Variants in WBP11 observed in about 807,000 individuals in gnomAD.
WBP11 encodes the protein WW domain-binding protein 11.
In WBP11, 12 loss-of-function variants were observed where a neutral mutation model predicts 66.7. That is an observed-to-expected ratio of 0.18 (90% CI 0.12 to 0.29). The LOEUF (loss-of-function observed/expected upper bound fraction) is 0.29, where lower values mean the gene tolerates loss of function less well. Ranked by LOEUF, WBP11 falls within the 10% of genes least tolerant of loss-of-function variation. The pLI is 1.00. For synonymous variants in WBP11, 255 were observed against 273.8 expected (o/e 0.93, Z 0.68); for missense variants, 555 against 818.3 (o/e 0.68, Z 3.93).
chr12:14,797,589 C>A (rs1036731370), intron 4 of WBP11, among the ~76,000 whole-genome samples: 2 of 152,206 alleles, frequency 1.3e-5, no homozygotes, highest in South Asian at 4.1e-4. Context: ...GGTCCTCTAT[C>A]CCAAGAATAA....
In WBP11 at chr12:14,798,822, A is replaced by AC. The variant is rs1362932901; in HGVS notation, c.190+812_190+813insG. Reference sequence around the variant, plus strand: ...ATTTTACAAAAGTGGCAAAGGGTAGAAGACAAAGTGGCAGAAACTTGACAG... The same window carrying AC: ...ATTTTACAAAAGTGGCAAAGGGTAGACAGACAAAGTGGCAGAAACTTGACAG... On this transcript the variant is annotated intron_variant, in intron 4 of 11. Coordinates refer to ENST00000261167, the MANE Select transcript of WBP11 (RefSeq NM_016312.3). Among the ~76,000 whole-genome samples the AC allele has an allele frequency of 2.0e-5, 3 of 152,206 alleles. No individual in the cohort carries two copies. In the East Asian group the frequency reaches 5.8e-4, roughly 29 times the overall value.
chr12:14,788,821 G>A (rs1158278068), intron 11 of WBP11, 130 bp downstream of exon 11: 9 of 494,988 alleles, frequency 1.8e-5, no homozygotes, highest in South Asian at 6.2e-5. Flanking sequence ...CCAGGTCAAC[G>A]GCAACTTAAA....
In WBP11 at chr12:14,786,262, A is replaced by C. The variant is rs1308192614; in HGVS notation, c.*803T>G. On this transcript the variant is annotated 3_prime_UTR_variant, in exon 12 of 12. Coordinates refer to ENST00000261167, the MANE Select transcript of WBP11 (RefSeq NM_016312.3). ...AACCATACTATTCTTAACACCTCTC[A>C]GTTTCTCTAAAGCCAGTATGACAAT... 6.6e-6 allele frequency: 1 copy of C among 152,190 alleles called. No individual in the cohort carries two copies. The highest frequency in any genetic ancestry group is 1.5e-5 in the Non-Finnish European group (1 of 68,020). 9.4% of individuals were successfully genotyped at this position (152,190 alleles called of 1,614,324 possible).
intron 8 of WBP11, among the ~76,000 whole-genome samples, chr12:14,792,658 C>A (rs1376722900): frequency 6.6e-6 from 1 of 151,892 alleles, no homozygotes; most frequent in Non-Finnish European, 1.5e-5. Flanking sequence ...CACGGTGAAA[C>A]CCTGTCTCTA....
intron 4 of WBP11, among the ~76,000 whole-genome samples, chr12:14,798,959 T>C (rs1320668937): frequency 5.3e-5 from 8 of 152,128 alleles, no homozygotes; most frequent in Admixed American, 5.2e-4. Flanking sequence ...GAATGGATAT[T>C]TGTGGGTTAG....
intron 4 of WBP11, among the ~76,000 whole-genome samples, chr12:14,797,534 T>C (rs558236018): frequency 1.3e-5 from 2 of 152,200 alleles, no homozygotes; most frequent in Admixed American, 6.5e-5. Flanking sequence ...TATACAATCC[T>C]TTCTCTCCCT....
At position 14,801,427 on chromosome 12, in the gene WBP11, A is replaced by T; in HGVS notation, c.-44T>A. On this transcript the variant is annotated splice_region_variant and 5_prime_UTR_variant, in exon 2 of 12. Transcript: ENST00000261167. ...TTACTTGTTCATTAAAAAAAGAAAA[A>T]CCTGTGAAGGTGAAGACAAAGAAAT... 1.3e-6 allele frequency: 2 copies of T among 1,587,258 alleles called. No homozygotes were observed. Among genetic ancestry groups the T allele is most frequent in the African/African-American group, 2.7e-5 (2 of 74,060 alleles).
chr12:14,797,061 A>G, intron 4 of WBP11, 58 bp from the exon 5 acceptor site: 2 of 1,430,376 alleles, frequency 1.4e-6, no homozygotes, highest in Non-Finnish European at 1.9e-6. Context: ...ATTAGGTATC[A>G]ATAGGTTACA....
At position 14,796,381 on chromosome 12, in the gene WBP11, G is replaced by A. The variant is rs1050780441; in HGVS notation, c.387+426C>T. Among the ~76,000 whole-genome samples, 9 of 152,144 alleles carry A rather than the reference G, an allele frequency of 5.9e-5. No individual in the cohort carries two copies. The highest frequency in any genetic ancestry group is 1.3e-4 in the Non-Finnish European group (9 of 68,014). ...CACAGTAGGTATATGTTTAGTTTTA[G>A]AAGAAACTGCTATAAGGAAGAGGTT... On this transcript the variant is annotated intron_variant, in intron 5 of 11. Coordinates refer to ENST00000261167, the MANE Select transcript of WBP11 (RefSeq NM_016312.3). The surrounding 1 kb of genome is among the most constrained non-coding windows in gnomAD (Gnocchi z 4.5).
In WBP11 at chr12:14,787,015, C is replaced by T. The variant is rs1021619601; in HGVS notation, c.*50G>A. Reference sequence around the variant, plus strand: ...ATCTAAGTTTAATAAGAGCCTCTTTCTCCATGGGCCACTGTTGTGAACAGA... The same window carrying T: ...ATCTAAGTTTAATAAGAGCCTCTTTTTCCATGGGCCACTGTTGTGAACAGA... On this transcript the variant is annotated 3_prime_UTR_variant, in exon 12 of 12. Transcript: ENST00000261167. The T allele has an allele frequency of 5.9e-6, 9 of 1,513,258 alleles. No individual in the cohort carries two copies. The highest frequency in any genetic ancestry group is 4.2e-5 in the African/African-American group (3 of 71,614). 93.7% of individuals were successfully genotyped at this position (1,513,258 alleles called of 1,614,324 possible).
At chr12:14,798,208 G>A (rs1949914730) in intron 4 of WBP11, among the ~76,000 whole-genome samples, 1 of 152,058 alleles carries the variant, frequency 6.6e-6, no homozygotes, top group South Asian at 2.1e-4. Flanking sequence ...ACTAATCCTA[G>A]TGTGATTAGT....
intron 9 of WBP11, 140 bp downstream of exon 9, chr12:14,791,029 T>C: frequency 1.1e-6 from 1 of 871,636 alleles, no homozygotes; most frequent in Non-Finnish European, 1.7e-6. Flanking sequence ...GCCTATATAA[T>C]GGTTCCAAAC....
rs758432581 is a variant in WBP11, at chr12:14,784,952, C to G, written c.*2113G>C. ...GATGTATTGTCACACCACTAATTTT[C>G]AGAAAATTATACTAGCAATATAAGG... On this transcript the variant is annotated 3_prime_UTR_variant, in exon 12 of 12. Transcript: ENST00000261167. 8 of 151,886 alleles carry G rather than the reference C, an allele frequency of 5.3e-5. No homozygotes were observed. The highest frequency in any genetic ancestry group is 7.3e-5 in the African/African-American group (3 of 41,288). The allele number at this position is 151,886 out of a possible 1,614,324, so 9.4% of individuals were successfully genotyped here.
At chr12:14,797,099 A>G in intron 4 of WBP11, 96 bp from the exon 5 acceptor site, 3 of 959,582 alleles carry the variant, frequency 3.1e-6, no homozygotes, top group Non-Finnish European at 4.3e-6. Flanking sequence ...TATGCTAAAA[A>G]ATTTTTAAGA....
In WBP11 at chr12:14,787,401, G is replaced by A; in HGVS notation, c.1590C>T (p.Asn530=). Residue 530 remains asparagine (N), a synonymous_variant, in exon 12 of 12, where the codon AAC becomes AAT. Transcript: ENST00000261167. Reference sequence around the variant, plus strand: ...TGGGTGGGGCACTTAAAACCCCAGGGTTTGGCAAGGGAGCTGGTGGGAACA... The same window carrying A: ...TGGGTGGGGCACTTAAAACCCCAGGATTTGGCAAGGGAGCTGGTGGGAACA... The part of the protein sequence containing the change: ...PGLFPPAPLP[N]PGVLSAPPNL... 1 of 1,582,456 alleles carries A rather than the reference G, an allele frequency of 6.3e-7. No homozygotes were observed. The highest frequency in any genetic ancestry group is 8.6e-7 in the Non-Finnish European group (1 of 1,161,546).
At chr12:14,791,324 A>G in intron 8 of WBP11, 54 bp from the exon 9 acceptor site, 1 of 1,480,468 alleles carries the variant, frequency 6.8e-7, no homozygotes, top group Non-Finnish European at 9.4e-7. Flanking sequence ...AATTCAGTAA[A>G]TGTTTACTAC....
Position 14,796,600 on chromosome 12 carries a change from G to A in WBP11, c.387+207C>T, listed in dbSNP as rs1464184753. On this transcript the variant is annotated intron_variant, in intron 5 of 11. Coordinates refer to ENST00000261167, the MANE Select transcript of WBP11 (RefSeq NM_016312.3). The surrounding 1 kb of genome is among the most constrained non-coding windows in gnomAD (Gnocchi z 4.5). ...ACAAAATTTATAAAATTATCTTCAG[G>A]CTATGTGTATATGAAACATAAATTT... 6.6e-6 allele frequency among the ~76,000 whole-genome samples: 1 copy of A among 151,904 alleles called. No homozygotes were observed. The highest frequency in any genetic ancestry group is 1.5e-5 in the Non-Finnish European group (1 of 67,982).
chr12:14,796,786 C>CAAAA lies in WBP11; in HGVS notation c.387+17_387+20dup. The CAAAA allele has an allele frequency of 2.8e-6, 4 of 1,431,068 alleles. No individual in the cohort carries two copies. Among genetic ancestry groups the CAAAA allele is most frequent in the African/African-American group, 1.5e-5 (1 of 68,698 alleles). The allele number at this position is 1,431,068 out of a possible 1,614,324, so 88.6% of individuals were successfully genotyped here. A position where few individuals can be genotyped will look rare whatever the true frequency, so the allele number is the denominator to read the frequency against. ...CTGTATAATATTTTAGTTTATCTCT[C>CAAAA]AAAAAAAAAACCTTGATTACCTTGA... On this transcript the variant is annotated intron_variant, in intron 5 of 11. Coordinates refer to ENST00000261167, the MANE Select transcript of WBP11 (RefSeq NM_016312.3). The surrounding 1 kb of genome is among the most constrained non-coding windows in gnomAD (Gnocchi z 4.5).
rs770316401 is a variant in WBP11, at chr12:14,801,413, T to C, written c.-30A>G. ...ACAATTTGTATGGTTTACTTGTTCA[T>C]TAAAAAAAGAAAAACCTGTGAAGGT... On this transcript the variant is annotated 5_prime_UTR_variant, in exon 2 of 12. The change abolishes an upstream ATG in the 5' untranslated region. Transcript: ENST00000261167. The C allele has an allele frequency of 5.6e-6, 9 of 1,605,542 alleles. No individual in the cohort carries two copies. The highest frequency in any genetic ancestry group is 7.7e-6 in the Non-Finnish European group (9 of 1,175,544).
Sources: gnomAD v4.1 joint callset for allele counts (sites outside exome capture counted in the v4.1 genomes callset) on GRCh38, gnomAD v4.1.1 for gene constraint, Gnocchi (gnomAD v3.1) non-coding constraint, MANE v1.5 for transcripts, NCBI Gene and HGNC (gene_info 2026-07-23, HGNC 2026-07-21) for gene names.